Variants in SUCLG2 observed in about 807,000 individuals in gnomAD.
SUCLG2 encodes succinate-CoA ligase GDP-forming subunit beta, also known as succinate--CoA ligase [GDP-forming] subunit beta, mitochondrial.
In SUCLG2, 42 loss-of-function variants were observed where a neutral mutation model predicts 47.9. That is an observed-to-expected ratio of 0.88 (90% CI 0.69 to 1.14). The LOEUF is 1.14. SUCLG2 is among the 50% of genes most tolerant of loss of function. SUCLG2 has a pLI of 0.00. For synonymous variants in SUCLG2, 195 were observed against 197.3 expected (o/e 0.99, Z 0.10); for missense variants, 571 against 525.9 (o/e 1.09, Z -0.84).
intron 9 of SUCLG2, among the ~76,000 whole-genome samples, chr3:67,421,293 C>A (rs1232345223): frequency 6.6e-6 from 1 of 152,176 alleles, no homozygotes; most frequent in Non-Finnish European, 1.5e-5. Context: ...GAGTACCCCA[C>A]ATATGCTATT....
intron 9 of SUCLG2, among the ~76,000 whole-genome samples, chr3:67,406,856 T>G (rs1702824059): frequency 6.6e-6 from 1 of 152,196 alleles, no homozygotes; most frequent in Non-Finnish European, 1.5e-5. Context: ...TAAATGTATT[T>G]TTAACCTTCA....
chr3:67,539,971 A>T (rs1263475985), intron 2 of SUCLG2, among the ~76,000 whole-genome samples: 1 of 151,564 alleles, frequency 6.6e-6, no homozygotes, highest in Non-Finnish European at 1.5e-5. Context: ...TCTGGCTAGC[A>T]GACTATCTAT....
intron 10 of SUCLG2, among the ~76,000 whole-genome samples, chr3:67,390,791 T>C (rs1435759523): frequency 6.6e-6 from 1 of 152,232 alleles, no homozygotes; most frequent in Non-Finnish European, 1.5e-5. Context: ...CAAAGCGTTT[T>C]GGCCAAACGC....
At chr3:67,409,078 G>C in intron 9 of SUCLG2, 1 of 1,514,944 alleles carries the variant, frequency 6.6e-7, no homozygotes, top group African/African-American at 1.4e-5. Flanking sequence ...GTATAGGTTT[G>C]TGGACCAATG....
chr3:67,401,217 A>T (rs948270910), intron 9 of SUCLG2, among the ~76,000 whole-genome samples: 2 of 152,080 alleles, frequency 1.3e-5, no homozygotes, highest in Non-Finnish European at 2.9e-5. Flanking sequence ...TTTTTCCTCC[A>T]CGATTTACAA....
intron 9 of SUCLG2, among the ~76,000 whole-genome samples, chr3:67,404,099 G>C (rs1702750091): frequency 6.6e-6 from 1 of 152,134 alleles, no homozygotes; most frequent in African/African-American, 2.4e-5. Flanking sequence ...TTGGCCAGCT[G>C]TCTCGAACTC....
chr3:67,598,278 G>A (rs942124716), intron 2 of SUCLG2, among the ~76,000 whole-genome samples: 1 of 152,078 alleles, frequency 6.6e-6, no homozygotes, highest in East Asian at 1.9e-4. Flanking sequence ...CACCACGCCC[G>A]GCCAAAACTC....
chr3:67,400,915 G>C, intron 9 of SUCLG2, 64 bp from the exon 10 acceptor site: 5 of 1,598,904 alleles, frequency 3.1e-6, no homozygotes, highest in Non-Finnish European at 4.3e-6. Context: ...AAAAATAACT[G>C]GTTAAATAAT....
At chr3:67,503,883 T>C (rs927516106) in intron 7 of SUCLG2, among the ~76,000 whole-genome samples, 8 of 152,176 alleles carry the variant, frequency 5.3e-5, no homozygotes, top group South Asian at 2.1e-4. Context: ...ACAATCTCGA[T>C]AGAAAACATG....
chr3:67,590,950 A>T (rs1362619813), intron 2 of SUCLG2, among the ~76,000 whole-genome samples: 1 of 142,598 alleles, frequency 7.0e-6, no homozygotes, highest in African/African-American at 3.1e-5. Flanking sequence ...GTAAAAATTA[A>T]AAAAAAACCT....
intron 2 of SUCLG2, among the ~76,000 whole-genome samples, chr3:67,585,018 T>G (rs371592129): frequency 1.6e-4 from 24 of 152,330 alleles, no homozygotes; most frequent in Admixed American, 4.6e-4. Flanking sequence ...TACAGTACAT[T>G]TTGTCCATTG....
chr3:67,486,713 G>T (rs1705064089), intron 9 of SUCLG2, among the ~76,000 whole-genome samples: 1 of 152,100 alleles, frequency 6.6e-6, no homozygotes. Flanking sequence ...TCAATACTAT[G>T]CTTGGGGGCC....
chr3:67,443,969 TCAGCCCCCCGCCCGGC>T (rs1703846553), intron 9 of SUCLG2, among the ~76,000 whole-genome samples: 1 of 70,634 alleles, frequency 1.4e-5, no homozygotes, highest in Non-Finnish European at 3.1e-5. Context: ...TGGGGGGGGG[TCAGCCCCCCGCCCGGC>T]CAGCCGCCCC....
intron 9 of SUCLG2, among the ~76,000 whole-genome samples, chr3:67,442,106 G>A (rs1430604685): frequency 6.8e-6 from 1 of 146,454 alleles, no homozygotes; most frequent in Non-Finnish European, 1.5e-5. Context: ...CACCTCCCGG[G>A]TTCACGCCAT....
intron 9 of SUCLG2, among the ~76,000 whole-genome samples, chr3:67,404,107 C>A (rs529649920): frequency 6.6e-6 from 1 of 152,286 alleles, no homozygotes; most frequent in Admixed American, 6.5e-5. Context: ...CTGTCTCGAA[C>A]TCCTGACCTC....
intron 9 of SUCLG2, among the ~76,000 whole-genome samples, chr3:67,402,733 C>A (rs1182601883): frequency 1.3e-5 from 2 of 152,228 alleles, no homozygotes; most frequent in African/African-American, 4.8e-5. Context: ...TAGTAAAACA[C>A]ACATTGGCAC....
At chr3:67,572,644 A>T (rs1371937715) in intron 2 of SUCLG2, among the ~76,000 whole-genome samples, 1 of 152,174 alleles carries the variant, frequency 6.6e-6, no homozygotes, top group African/African-American at 2.4e-5. Flanking sequence ...GCAGGAAGCT[A>T]CTCTGCATTT....
chr3:67,361,308 T>C (rs1029701318), intron 10 of SUCLG2, among the ~76,000 whole-genome samples: 1 of 152,210 alleles, frequency 6.6e-6, no homozygotes, highest in Non-Finnish European at 1.5e-5. Flanking sequence ...GACAGCTTAG[T>C]TAATGCATAG....
At chr3:67,525,863 A>C (rs1026057032) in intron 4 of SUCLG2, among the ~76,000 whole-genome samples, 5 of 152,248 alleles carry the variant, frequency 3.3e-5, no homozygotes, top group African/African-American at 9.6e-5. Context: ...ATAGTGTAAC[A>C]GATAATACTT....
Sources: gnomAD v4.1 joint callset for allele counts (sites outside exome capture counted in the v4.1 genomes callset) on GRCh38, gnomAD v4.1.1 for gene constraint, MANE v1.5 for transcripts, NCBI Gene and HGNC (gene_info 2026-07-23, HGNC 2026-07-21) for gene names.